RAPGEF1: variants seen among roughly 807,000 people sequenced by gnomAD.
RAPGEF1 encodes the protein Rap guanine nucleotide exchange factor 1.
A neutral mutation model predicts 143.3 loss-of-function variants in RAPGEF1; 33 were observed. That is an observed-to-expected ratio of 0.23 (90% CI 0.17 to 0.31). RAPGEF1 has a LOEUF of 0.31. RAPGEF1 is among the 10% of genes least tolerant of loss of function. RAPGEF1 has a pLI of 1.00. For missense variants in RAPGEF1, 1,199 were observed against 1,645.4 expected, an observed-to-expected ratio of 0.73 and a Z score of 4.69; for synonymous variants, 629 against 676.5, an observed-to-expected ratio of 0.93 and a Z score of 1.09.
intron 1 of RAPGEF1, among the ~76,000 whole-genome samples, chr9:131,709,460 T>G (rs1835350965): frequency 6.6e-6 from 1 of 152,214 alleles, no homozygotes; most frequent in African/African-American, 2.4e-5. Flanking sequence ...ATCTTATTCC[T>G]CAGGAGAATT....
chr9:131,657,926 T>G (rs1972950045), intron 1 of RAPGEF1, among the ~76,000 whole-genome samples: 1 of 152,242 alleles, frequency 6.6e-6, no homozygotes, highest in South Asian at 2.1e-4. Context: ...TCTCACGCTC[T>G]TGTTTTTTAC....
chr9:131,730,193 CAAAAAAAAAAAAAA>C (rs57402366), intron 1 of RAPGEF1, among the ~76,000 whole-genome samples: 1 of 66,980 alleles, frequency 1.5e-5, no homozygotes, highest in African/African-American at 6.4e-5. Context: ...GACTCCCTCT[CAAAAAAAAAAAAAA>C]AAAAAAAAAG....
chr9:131,589,844 C>T, intron 19 of RAPGEF1, 42 bp downstream of exon 19: 1 of 1,555,872 alleles, frequency 6.4e-7, no homozygotes. Context: ...GGAGCCTTTG[C>T]CTCCCCACTG....
intron 1 of RAPGEF1, among the ~76,000 whole-genome samples, chr9:131,700,845 C>T (rs750521514): frequency 2.0e-5 from 3 of 152,176 alleles, no homozygotes; most frequent in Non-Finnish European, 4.4e-5. Context: ...GCTGCTTGTT[C>T]GTAGCCTGCA....
chr9:131,646,228 G>T (rs1022716003), intron 3 of RAPGEF1, among the ~76,000 whole-genome samples: 4 of 152,174 alleles, frequency 2.6e-5, no homozygotes, highest in South Asian at 2.1e-4. Context: ...AGTGGGACGT[G>T]GGGGAGGTTA....
In RAPGEF1 at chr9:131,619,060, G is replaced by A. The variant is rs185686946; in HGVS notation, c.2052C>T (p.Pro684=). 27 of 1,359,008 alleles carry A rather than the reference G, an allele frequency of 2.0e-5. No individual in the cohort carries two copies. The highest frequency in any genetic ancestry group is 7.8e-5 in the Admixed American group (4 of 51,574). The allele number at this position is 1,359,008 out of a possible 1,614,324, so 84.2% of individuals were successfully genotyped here. The change falls in exon 12 of 27, where the codon CCC becomes CCT. Residue 684 remains proline, a synonymous_variant. Coordinates refer to ENST00000683357, the MANE Select transcript of RAPGEF1 (RefSeq NM_001377935.1). ...NSFLSRHGSL[P]VPSYKSVFRS... is the part of the protein sequence containing the mutation. ...GCAGGGAGCAACTCACCGAGGGCAC[G>A]GGCAAGCTGCCGTGCCGGCTGAGAA...
intron 22 of RAPGEF1, among the ~76,000 whole-genome samples, chr9:131,586,487 A>AACACAC (rs543763559): frequency 3.5e-5 from 1 of 28,654 alleles, no homozygotes; most frequent in Admixed American, 4.5e-4. Context: ...CTCCGTCTCA[A>AACACAC]ACACACACAC....
At position 131,588,105 on chromosome 9, in the gene RAPGEF1, C is replaced by A. The variant is rs113525739; in HGVS notation, c.3054-79G>T. On this transcript the variant is annotated intron_variant, in intron 20 of 26. Transcript: ENST00000683357. The stretch of plus-strand genomic sequence containing the variant: ...GGGCTGAGCAGGCCCGGGCTGCGGG[C>A]GTCAGAGCAGGAGAGCCTCTCTGCC... 0.096 allele frequency: 118,721 copies of A among 1,240,788 alleles called. 6,487 individuals are homozygous for A. The highest frequency in any genetic ancestry group is 0.22 in the Middle Eastern group (848 of 3,808). The allele number at this position is 1,240,788 out of a possible 1,614,324, so 76.9% of individuals were successfully genotyped here.
intron 1 of RAPGEF1, among the ~76,000 whole-genome samples, chr9:131,688,816 C>T (rs567406400): frequency 1.1e-4 from 16 of 152,188 alleles, no homozygotes; most frequent in Non-Finnish European, 1.9e-4. Context: ...GAGAATCACT[C>T]GAACCCGGGA....
At chr9:131,599,420 C>CT (rs71374115) in intron 15 of RAPGEF1, among the ~76,000 whole-genome samples, 156 of 131,438 alleles carry the variant, frequency 1.2e-3, no homozygotes, top group African/African-American at 2.8e-3. Flanking sequence ...CGTGCCCAGT[C>CT]TTTTTTTTTT....
At chr9:131,648,497 C>T (rs1367547676) in intron 3 of RAPGEF1, among the ~76,000 whole-genome samples, 8 of 152,290 alleles carry the variant, frequency 5.3e-5, no homozygotes, top group South Asian at 2.1e-4. Flanking sequence ...AGCAGGATAA[C>T]GTTGTTAGTA....
intron 1 of RAPGEF1, among the ~76,000 whole-genome samples, chr9:131,677,043 C>T (rs1045245027): frequency 3.3e-5 from 5 of 152,214 alleles, no homozygotes; most frequent in African/African-American, 1.2e-4. Context: ...AGAAACCATC[C>T]TTCCTTACGG....
intron 1 of RAPGEF1, among the ~76,000 whole-genome samples, chr9:131,663,158 C>T (rs754523080): frequency 4.0e-5 from 6 of 151,868 alleles, no homozygotes; most frequent in Non-Finnish European, 8.8e-5. Context: ...TACTATGAAG[C>T]GAACGTCCAC....
Position 131,584,222 on chromosome 9 carries a change from G to A in RAPGEF1, c.3414+89C>T, listed in dbSNP as rs1952339365. The A allele has an allele frequency of 3.2e-6, 4 of 1,234,920 alleles. No individual in the cohort carries two copies. In the South Asian group the frequency reaches 5.2e-5, roughly 16 times the overall value. 76.5% of individuals were successfully genotyped at this position (1,234,920 alleles called of 1,614,324 possible). A position where few individuals can be genotyped will look rare whatever the true frequency, so the allele number is the denominator to read the frequency against. ...GCCTAGGCCCAGCATTTGCTCCAGTGGGAGCACTTTCTGCCACAGCTAGTC... is the reference window on the plus strand; with the variant it reads ...GCCTAGGCCCAGCATTTGCTCCAGTAGGAGCACTTTCTGCCACAGCTAGTC... On this transcript the variant is annotated intron_variant, in intron 24 of 26. Coordinates refer to ENST00000683357, the MANE Select transcript of RAPGEF1 (RefSeq NM_001377935.1). This position sits in a 1 kb window ranked among gnomAD's most constrained non-coding sequence, Gnocchi z 6.8.
At chr9:131,618,064 T>G (rs1158319964) in intron 12 of RAPGEF1, among the ~76,000 whole-genome samples, 1 of 152,234 alleles carries the variant, frequency 6.6e-6, no homozygotes. Flanking sequence ...CATGACTTAG[T>G]AGCAACTACC....
intron 1 of RAPGEF1, among the ~76,000 whole-genome samples, chr9:131,710,828 G>A (rs1185863599): frequency 6.6e-6 from 1 of 152,090 alleles, no homozygotes; most frequent in African/African-American, 2.4e-5. Context: ...GGTGGAGGCT[G>A]CAGTAAGCCG....
chr9:131,592,269 G>C, intron 17 of RAPGEF1, 86 bp from the exon 18 acceptor site: 2 of 1,086,550 alleles, frequency 1.8e-6, no homozygotes, highest in Non-Finnish European at 2.8e-6. Context: ...TCCTTGCTCT[G>C]AGAGAGGCAG....
At chr9:131,666,494 C>T (rs1340584035) in intron 1 of RAPGEF1, among the ~76,000 whole-genome samples, 1 of 152,008 alleles carries the variant, frequency 6.6e-6, no homozygotes, top group Non-Finnish European at 1.5e-5. Context: ...TCAAGTGATT[C>T]TTCTGCCTTA....
intron 12 of RAPGEF1, among the ~76,000 whole-genome samples, chr9:131,615,171 C>T (rs959494132): frequency 9.2e-5 from 14 of 152,248 alleles, no homozygotes; most frequent in African/African-American, 3.4e-4. Flanking sequence ...CTCCTGGGTT[C>T]ACGCCATTCT....
Sources: gnomAD v4.1 joint callset for allele counts (sites outside exome capture counted in the v4.1 genomes callset) on GRCh38, gnomAD v4.1.1 for gene constraint, Gnocchi (gnomAD v3.1) non-coding constraint, MANE v1.5 for transcripts, NCBI Gene and HGNC (gene_info 2026-07-23, HGNC 2026-07-21) for gene names.